The following TMEM255B variants were observed in gnomAD, a reference collection of about 807,000 sequenced individuals.
The protein encoded by TMEM255B is family with sequence similarity 70, member B.
In TMEM255B, 35 loss-of-function variants were observed where a neutral mutation model predicts 34.5. That is an observed-to-expected ratio of 1.01 (90% CI 0.77 to 1.34). The LOEUF is 1.34. Ranked by LOEUF, TMEM255B falls within the 40% of genes most tolerant of loss-of-function variation. The pLI is 0.00. For missense variants in TMEM255B, 432 were observed against 433.2 expected (o/e 1.00, Z 0.02); for synonymous variants, 206 against 201.2 (o/e 1.02, Z -0.20).
intron 1 of TMEM255B, among the ~76,000 whole-genome samples, chr13:113,760,424 CTT>C (rs780600063): frequency 3.3e-5 from 5 of 152,182 alleles, no homozygotes; most frequent in Non-Finnish European, 5.9e-5. Context: ...TAGCATCTGA[CTT>C]AGATTTTCTT....
chr13:113,793,145 G>T (rs1469499567), intron 3 of TMEM255B, among the ~76,000 whole-genome samples: 2 of 152,224 alleles, frequency 1.3e-5, no homozygotes, highest in African/African-American at 2.4e-5. Context: ...GAGGGTAAGG[G>T]CTCCGGTCCA....
chr13:113,805,736 G>A (rs1018311090), intron 8 of TMEM255B, among the ~76,000 whole-genome samples: 2 of 152,232 alleles, frequency 1.3e-5, no homozygotes, highest in African/African-American at 4.8e-5. Flanking sequence ...AGAGCCGCCG[G>A]TGTGACAACC....
At chr13:113,762,711 G>A (rs564459421) in intron 1 of TMEM255B, among the ~76,000 whole-genome samples, 173 of 152,292 alleles carry the variant, frequency 1.1e-3, no homozygotes, top group African/African-American at 3.6e-3. Flanking sequence ...CCAAGGAACC[G>A]AGCAGAGCTT....
chr13:113,769,206 G>T lies in TMEM255B; in HGVS notation c.252+46G>T. ...GTGGGGAGCATGAGTCCCTCATCAGGGGATGGTACAGCTGCACTGGGGCTC... is the reference window on the plus strand; with the variant it reads ...GTGGGGAGCATGAGTCCCTCATCAGTGGATGGTACAGCTGCACTGGGGCTC... On this transcript the variant is annotated intron_variant, in intron 3 of 8. Transcript: ENST00000375353. This position sits in a 1 kb window ranked among gnomAD's most constrained non-coding sequence, Gnocchi z 4.2. 6.2e-7 allele frequency: 1 copy of T among 1,601,856 alleles called. No homozygotes were observed. Among genetic ancestry groups the T allele is most frequent in the Non-Finnish European group, 8.6e-7 (1 of 1,169,112 alleles).
In TMEM255B at chr13:113,811,861, C is replaced by T. The variant is rs1456496824; in HGVS notation, c.939C>T (p.Thr313=). ...PGQAPPCYAP[T]YFPPGEKPPP... ...AGGCTCCACCGTGCTACGCACCCAC[C>T]TACTTTCCCCCGGGGGAGAAGCCAC... is the stretch of plus-strand genomic sequence containing the variant. The change falls in exon 9 of 9, where the codon ACC becomes ACT. Residue 313 remains threonine (T), a synonymous_variant. Transcript: ENST00000375353. 1.2e-5 allele frequency: 19 copies of T among 1,613,746 alleles called. No homozygotes were observed. Among genetic ancestry groups the T allele is most frequent in the African/African-American group, 2.7e-5 (2 of 75,026 alleles).
At chr13:113,808,693 C>T (rs572891320) in intron 8 of TMEM255B, among the ~76,000 whole-genome samples, 4 of 140,856 alleles carry the variant, frequency 2.8e-5, no homozygotes, top group Non-Finnish European at 4.5e-5. Flanking sequence ...GGGTTTACTT[C>T]GTGGCTCCTA....
Position 113,788,008 on chromosome 13 carries a change from C to T in TMEM255B, c.253-7140C>T, listed in dbSNP as rs563044999. On this transcript the variant is annotated intron_variant, in intron 3 of 8. Coordinates refer to ENST00000375353, the MANE Select transcript of TMEM255B (RefSeq NM_182614.4). ...AGACGGGATGGGCAGCTCCAGGTGT[C>T]GGCCAGGGGCACCATGCCGCAGAGG... is the stretch of plus-strand genomic sequence containing the variant. 9.2e-5 allele frequency among the ~76,000 whole-genome samples: 11 copies of T among 119,354 alleles called. No individual in the cohort carries two copies. In the South Asian group the frequency reaches 1.6e-3, roughly 18 times the overall value. The allele number at this position is 119,354 out of a possible 152,430, so 78.3% of individuals were successfully genotyped here. A position where few individuals can be genotyped will look rare whatever the true frequency, so the allele number is the denominator to read the frequency against.
chr13:113,775,073 CCA>C (rs2050551475), intron 3 of TMEM255B, among the ~76,000 whole-genome samples: 1 of 149,320 alleles, frequency 6.7e-6, no homozygotes, highest in South Asian at 2.1e-4. Context: ...ACCACACACT[CCA>C]CACACACCAC....
At chr13:113,774,041 T>C (rs1250847044) in intron 3 of TMEM255B, among the ~76,000 whole-genome samples, 1 of 152,200 alleles carries the variant, frequency 6.6e-6, no homozygotes, top group Non-Finnish European at 1.5e-5. Flanking sequence ...TAGAAAACTT[T>C]AAGCACATAC....
intron 2 of TMEM255B, among the ~76,000 whole-genome samples, chr13:113,766,933 T>C (rs1395331260): frequency 6.6e-6 from 1 of 152,222 alleles, no homozygotes; most frequent in African/African-American, 2.4e-5. Flanking sequence ...ACTATGAAAT[T>C]ACATCCTCTG....
At chr13:113,779,442 G>T (rs747290046) in intron 3 of TMEM255B, among the ~76,000 whole-genome samples, 38 of 152,164 alleles carry the variant, frequency 2.5e-4, no homozygotes, top group Admixed American at 9.8e-4. Flanking sequence ...AGTGGAAGAG[G>T]TGGATTTGTT....
rs2051386086 is a variant in TMEM255B, at chr13:113,814,907, G to A, written c.*3004G>A. The stretch of plus-strand genomic sequence containing the variant: ...GTGCTGTGGCCCCGGGGCAGGGGGT[G>A]CTGGGGGGTTTGGGGTGCTGTGGCC... On this transcript the variant is annotated 3_prime_UTR_variant, in exon 9 of 9. Transcript: ENST00000375353. The A allele has an allele frequency of 6.7e-6, 1 of 150,132 alleles. No individual in the cohort carries two copies. Among genetic ancestry groups the A allele is most frequent in the Middle Eastern group, 3.2e-3 (1 of 314 alleles). The allele number at this position is 150,132 out of a possible 1,614,324, so 9.3% of individuals were successfully genotyped here.
rs376621451 is a variant in TMEM255B at position 113,812,330 on chromosome 13, C to T, written c.*427C>T. 17 of 177,540 alleles carry T rather than the reference C, an allele frequency of 9.6e-5. No individual in the cohort carries two copies. Among genetic ancestry groups the T allele is most frequent in the East Asian group, 7.1e-4 (4 of 5,626 alleles). The allele number at this position is 177,540 out of a possible 1,614,324, so 11.0% of individuals were successfully genotyped here. A position where few individuals can be genotyped will look rare whatever the true frequency, so the allele number is the denominator to read the frequency against. ...TGTGTGCATCTGTGTCCTGGAGAAGCGCAGGGCAGAAGCCACCCGCCCCTC... is the reference window on the plus strand; with the variant it reads ...TGTGTGCATCTGTGTCCTGGAGAAGTGCAGGGCAGAAGCCACCCGCCCCTC... On this transcript the variant is annotated 3_prime_UTR_variant, in exon 9 of 9. Transcript: ENST00000375353.
chr13:113,789,908 G>A (rs554067120), intron 3 of TMEM255B, among the ~76,000 whole-genome samples: 1 of 150,488 alleles, frequency 6.6e-6, no homozygotes, highest in East Asian at 2.0e-4. Context: ...ATGTCCTAGT[G>A]CTGAACTGAA....
At chr13:113,762,000 G>A (rs1237235158) in intron 1 of TMEM255B, among the ~76,000 whole-genome samples, 1 of 152,012 alleles carries the variant, frequency 6.6e-6, no homozygotes, top group Non-Finnish European at 1.5e-5. Flanking sequence ...CCTGTAAGCT[G>A]CCTCTGCAAT....
chr13:113,785,246 G>C (rs1377938277), intron 3 of TMEM255B, among the ~76,000 whole-genome samples: 1 of 152,236 alleles, frequency 6.6e-6, no homozygotes, highest in African/African-American at 2.4e-5. Flanking sequence ...CCCCTGCTCT[G>C]TCACTGGCAA....
intron 3 of TMEM255B, among the ~76,000 whole-genome samples, chr13:113,775,139 ACATAT>A (rs929026127): frequency 1.3e-5 from 2 of 150,526 alleles, no homozygotes; most frequent in African/African-American, 4.9e-5. Flanking sequence ...TACACACACC[ACATAT>A]ATGACACACA....
intron 1 of TMEM255B, 77 bp downstream of exon 1, chr13:113,759,392 C>G: frequency 2.5e-6 from 3 of 1,195,012 alleles, no homozygotes; most frequent in Non-Finnish European, 3.1e-6. Context: ...TACAGGTCCC[C>G]GGCCGGCCCG....
intron 3 of TMEM255B, among the ~76,000 whole-genome samples, chr13:113,776,694 G>A (rs907809911): frequency 6.6e-6 from 1 of 152,206 alleles, no homozygotes; most frequent in African/African-American, 2.4e-5. Context: ...ACGTGGGGCC[G>A]AGTGTGACAC....
Sources: allele counts gnomAD v4.1 joint callset (sites outside exome capture counted in the v4.1 genomes callset), GRCh38; gene constraint gnomAD v4.1.1; non-coding constraint Gnocchi (gnomAD v3.1); transcripts MANE v1.5; gene names NCBI Gene and HGNC (gene_info 2026-07-23, HGNC 2026-07-21).